THNSL2: variants seen among roughly 807,000 people sequenced by gnomAD.
THNSL2 encodes threonine synthase like 2.
A neutral mutation model predicts 40.0 loss-of-function variants in THNSL2; 34 were observed. The ratio of observed to expected loss-of-function variants is 0.85; its 90% confidence interval spans 0.65 to 1.13. The LOEUF (loss-of-function observed/expected upper bound fraction) is 1.13. Among genes scored for constraint, THNSL2 ranks in the 50% most tolerant of loss-of-function variants. THNSL2 has a pLI of 0.00. For synonymous variants in THNSL2, 241 were observed against 247.5 expected, an observed-to-expected ratio of 0.97 and a Z score of 0.25; for missense variants, 537 against 608.8, an observed-to-expected ratio of 0.88 and a Z score of 1.24.
intron 3 of THNSL2, 123 bp downstream of exon 3, chr2:88,174,956 C>T: frequency 8.4e-7 from 1 of 1,187,852 alleles, no homozygotes; most frequent in Non-Finnish European, 1.2e-6. Flanking sequence ...AGCAAGGTTC[C>T]TAACATTTTC....
At chr2:88,179,775 T>C (rs1677333110) in intron 5 of THNSL2, among the ~76,000 whole-genome samples, 1 of 152,218 alleles carries the variant, frequency 6.6e-6, no homozygotes, top group Non-Finnish European at 1.5e-5. Flanking sequence ...GAGAGGACAC[T>C]TTCCATTTTA....
chr2:88,180,936 G>A (rs1250371553), intron 5 of THNSL2, among the ~76,000 whole-genome samples: 2 of 152,088 alleles, frequency 1.3e-5, no homozygotes, highest in African/African-American at 4.8e-5. Context: ...GCTTTGGACA[G>A]GTCATTTAGA....
chr2:88,183,055 C>T lies in THNSL2; in HGVS notation c.1059C>T (p.Pro353=). The change falls in exon 7 of 9, where the codon CCC becomes CCT. Residue 353 remains proline (P), a synonymous_variant. Coordinates refer to ENST00000674334, the MANE Select transcript of THNSL2 (RefSeq NM_018271.5). Reference sequence around the variant, plus strand: ...AAAGGACCCAAAGTGTGAATCTGCCCAAGGAACTGCACAGCAAGGTCAGTC... The same window carrying T: ...AAAGGACCCAAAGTGTGAATCTGCCTAAGGAACTGCACAGCAAGGTCAGTC... ...QFERTQSVNL[P]KELHSKLSEA... is the part of the protein sequence containing the mutation. 6.2e-6 allele frequency: 10 copies of T among 1,613,142 alleles called. No homozygotes were observed. The highest frequency in any genetic ancestry group is 8.5e-6 in the Non-Finnish European group (10 of 1,180,004).
chr2:88,178,853 GCA>G lies in THNSL2; in HGVS notation c.645_646del (p.His215GlnfsTer50), dbSNP rs1355506438. On this transcript the variant is annotated frameshift_variant, in exon 5 of 9. Transcript: ENST00000674334. LOFTEE classifies it high-confidence loss of function. ...VFADVAFVKKHNLMSLNSINW... is the reference protein window; with the variant it reads ...VFADVAFVKKXNLMSLNSINW... ...TTGCCGATGTGGCTTTTGTCAAGAAGCACAATCTGATGAGCCTGAATTCGATC... is the reference window on the plus strand; with the variant it reads ...TTGCCGATGTGGCTTTTGTCAAGAAGCAATCTGATGAGCCTGAATTCGATC... The G allele has an allele frequency of 6.2e-7, 1 of 1,614,194 alleles. No individual in the cohort carries two copies.
At chr2:88,173,710 T>G (rs191913328) in intron 2 of THNSL2, among the ~76,000 whole-genome samples, 54 of 152,234 alleles carry the variant, frequency 3.5e-4, no homozygotes, top group African/African-American at 1.1e-3. Flanking sequence ...TTTCCTTCCT[T>G]CACATAAAGC....
Position 88,178,763 on chromosome 2 carries a change from T to C in THNSL2, c.572-20T>C. On this transcript the variant is annotated intron_variant, in intron 4 of 8. Transcript: ENST00000674334. ...TTCTACATGCTCCTGACAGCTGCCC[T>C]CTTCTCTCCCCCCTGGCAGTGGAGG... 6.2e-7 allele frequency: 1 copy of C among 1,613,636 alleles called. No homozygotes were observed. Among genetic ancestry groups the C allele is most frequent in the East Asian group, 2.2e-5 (1 of 44,860 alleles).
At chr2:88,179,432 C>A (rs540316577) in intron 5 of THNSL2, among the ~76,000 whole-genome samples, 2 of 152,328 alleles carry the variant, frequency 1.3e-5, no homozygotes, top group African/African-American at 4.8e-5. Context: ...CTGGACACAC[C>A]ACCCTGACCC....
At chr2:88,177,151 G>T (rs1001177064) in intron 4 of THNSL2, 5 of 152,126 alleles carry the variant, frequency 3.3e-5, no homozygotes, top group African/African-American at 1.2e-4. Context: ...ACCTGAAGGG[G>T]GTGTTTCTGT....
chr2:88,181,839 T>G (rs1677724515), intron 5 of THNSL2, among the ~76,000 whole-genome samples: 1 of 152,154 alleles, frequency 6.6e-6, no homozygotes, highest in Non-Finnish European at 1.5e-5. Flanking sequence ...ATATATAGAT[T>G]TTCTTATTCT....
chr2:88,172,605 G>A (rs1215529958), intron 1 of THNSL2: 1 of 152,220 alleles, frequency 6.6e-6, no homozygotes, highest in African/African-American at 2.4e-5. Context: ...GATTCAGGTA[G>A]TTGTATTTTT....
Position 88,178,765 on chromosome 2 carries a change from T to A in THNSL2, c.572-18T>A. 6.2e-7 allele frequency: 1 copy of A among 1,613,920 alleles called. No individual in the cohort carries two copies. Among genetic ancestry groups the A allele is most frequent in the Non-Finnish European group, 8.5e-7 (1 of 1,179,894 alleles). ...CTACATGCTCCTGACAGCTGCCCTC[T>A]TCTCTCCCCCCTGGCAGTGGAGGGA... is the stretch of plus-strand genomic sequence containing the variant. On this transcript the variant is annotated intron_variant, in intron 4 of 8. Transcript: ENST00000674334.
intron 4 of THNSL2, among the ~76,000 whole-genome samples, chr2:88,177,707 G>T (rs1558890021): frequency 6.6e-6 from 1 of 152,176 alleles, no homozygotes; most frequent in Non-Finnish European, 1.5e-5. Context: ...GATTGCTTGA[G>T]GTAACCAGGT....
intron 3 of THNSL2, 122 bp downstream of exon 3, chr2:88,174,955 C>A: frequency 8.2e-7 from 1 of 1,217,280 alleles, no homozygotes; most frequent in Non-Finnish European, 1.1e-6. Context: ...GAGCAAGGTT[C>A]CTAACATTTT....
intron 5 of THNSL2, 176 bp from the exon 6 acceptor site, chr2:88,182,523 A>G (rs1268779185): frequency 1.2e-5 from 7 of 586,472 alleles, no homozygotes; most frequent in African/African-American, 3.7e-5. Context: ...AGATATATGA[A>G]TTGCATTTTT....
At position 88,174,724 on chromosome 2, in the gene THNSL2, G is replaced by C; in HGVS notation, c.309G>C (p.Glu103Asp). 2 of 1,614,216 alleles carry C rather than the reference G, an allele frequency of 1.2e-6. No homozygotes were observed. Among genetic ancestry groups the C allele is most frequent in the Non-Finnish European group, 1.7e-6 (2 of 1,180,040 alleles). The change falls in exon 3 of 9, where the codon GAG (glutamate) becomes GAC (aspartate). Residue 103 changes from glutamate (E) to aspartate (D), a missense_variant. Transcript: ENST00000674334. The part of the protein sequence containing the change: ...SRLRNGLNVL[E>D]LWHGVTYAFK... ...TGAGGAATGGGCTGAACGTGTTGGA[G>C]CTGTGGCATGGCGTCACATATGCAT... is the stretch of plus-strand genomic sequence containing the variant.
In THNSL2 at chr2:88,186,268, C is replaced by T. The variant is rs1039348701; in HGVS notation, c.*145C>T. Reference sequence around the variant, plus strand: ...GATCTGGAGCCAGCTGGCTTTGCTCCGTTCCCTGGCTAGTCTGTGCCTGGT... The same window carrying T: ...GATCTGGAGCCAGCTGGCTTTGCTCTGTTCCCTGGCTAGTCTGTGCCTGGT... On this transcript the variant is annotated 3_prime_UTR_variant, in exon 9 of 9. Transcript: ENST00000674334. 7.5e-6 allele frequency: 6 copies of T among 795,340 alleles called. No individual in the cohort carries two copies. The highest frequency in any genetic ancestry group is 1.7e-5 in the African/African-American group (1 of 58,124). 49.3% of individuals were successfully genotyped at this position (795,340 alleles called of 1,614,324 possible). A position where few individuals can be genotyped will look rare whatever the true frequency, so the allele number is the denominator to read the frequency against.
chr2:88,176,833 G>A (rs1350854429), intron 4 of THNSL2: 1 of 152,168 alleles, frequency 6.6e-6, no homozygotes, highest in East Asian at 1.9e-4. Flanking sequence ...GCTCATATTT[G>A]GCTGCATTTT....
chr2:88,184,888 C>G (rs1209375290), intron 7 of THNSL2, among the ~76,000 whole-genome samples: 2 of 152,082 alleles, frequency 1.3e-5, no homozygotes, highest in Non-Finnish European at 2.9e-5. Context: ...TCAAATAAAC[C>G]AAACACACCG....
Position 88,178,853 on chromosome 2 carries a change from G to A in THNSL2, c.642G>A (p.Lys214=). ...TTGCCGATGTGGCTTTTGTCAAGAA[G>A]CACAATCTGATGAGCCTGAATTCGA... ...TVFADVAFVK[K]HNLMSLNSIN... Residue 214 remains lysine, a synonymous_variant, in exon 5 of 9, where the codon AAG becomes AAA. Coordinates refer to ENST00000674334, the MANE Select transcript of THNSL2 (RefSeq NM_018271.5). 2.5e-6 allele frequency: 4 copies of A among 1,614,194 alleles called. No homozygotes were observed. Among genetic ancestry groups the A allele is most frequent in the Non-Finnish European group, 2.5e-6 (3 of 1,180,042 alleles).
Sources: allele counts gnomAD v4.1 joint callset (sites outside exome capture counted in the v4.1 genomes callset), GRCh38; gene constraint gnomAD v4.1.1; transcripts MANE v1.5; gene names NCBI Gene and HGNC (gene_info 2026-07-23, HGNC 2026-07-21).